The following ADARB2 variants were observed in gnomAD, a reference collection of about 807,000 sequenced individuals.
ADARB2 encodes adenosine deaminase RNA specific B2 (inactive).
ADARB2 carries 25 observed loss-of-function variants against 62.2 expected under a neutral mutation model. That is an observed-to-expected ratio of 0.40 (90% CI 0.29 to 0.56). The LOEUF (loss-of-function observed/expected upper bound fraction) is 0.56. ADARB2 is among the 20% of genes least tolerant of loss of function. The pLI is 0.43. For missense variants in ADARB2, 1,071 were observed against 1,077.4 expected (o/e 0.99, Z 0.08); for synonymous variants, 572 against 500.8 (o/e 1.14, Z -1.90).
intron 8 of ADARB2, among the ~76,000 whole-genome samples, chr10:1,187,299 A>G (rs1174549985): frequency 6.6e-6 from 1 of 152,136 alleles, no homozygotes; most frequent in African/African-American, 2.4e-5. Flanking sequence ...GCACTGGGAG[A>G]GGCAGTCACT....
chr10:1,348,013 CAG>C (rs767218626), intron 3 of ADARB2, among the ~76,000 whole-genome samples: 22 of 151,478 alleles, frequency 1.5e-4, no homozygotes, highest in Non-Finnish European at 2.8e-4. Context: ...CAGAGACAAA[CAG>C]AGACAGGGAC....
At chr10:1,413,430 CA>C (rs1314777184) in intron 1 of ADARB2, among the ~76,000 whole-genome samples, 2 of 152,132 alleles carry the variant, frequency 1.3e-5, no homozygotes, top group African/African-American at 2.4e-5. Context: ...TGAATTCACA[CA>C]AAAAACATGT....
At chr10:1,675,064 T>C in intron 1 of ADARB2, 3 of 985,002 alleles carry the variant, frequency 3.0e-6, no homozygotes, top group Non-Finnish European at 3.6e-6. Flanking sequence ...TACATGGATG[T>C]TCTGGAGGTT....
chr10:1,682,903 G>C (rs536629358), intron 1 of ADARB2, among the ~76,000 whole-genome samples: 1 of 152,312 alleles, frequency 6.6e-6, no homozygotes, highest in South Asian at 2.1e-4. Context: ...GTGAGAGGCC[G>C]CAAAGCCCAT....
At chr10:1,596,144 C>T (rs1833331372) in intron 1 of ADARB2, among the ~76,000 whole-genome samples, 1 of 152,188 alleles carries the variant, frequency 6.6e-6, no homozygotes, top group Admixed American at 6.5e-5. Flanking sequence ...TTGCATATAT[C>T]TTTAGGATGA....
intron 1 of ADARB2, among the ~76,000 whole-genome samples, chr10:1,703,168 A>G (rs1834844655): frequency 6.6e-6 from 1 of 152,206 alleles, no homozygotes; most frequent in Non-Finnish European, 1.5e-5. Flanking sequence ...CAGCAATTAA[A>G]AGGAAAAAAG....
chr10:1,356,338 G>A (rs1315510031), intron 3 of ADARB2, among the ~76,000 whole-genome samples: 30 of 152,238 alleles, frequency 2.0e-4, no homozygotes, highest in Admixed American at 2.0e-3. Flanking sequence ...ACAGGCGCAT[G>A]GGAAGAATGG....
At chr10:1,579,146 T>A (rs1187764055) in intron 1 of ADARB2, among the ~76,000 whole-genome samples, 1 of 152,162 alleles carries the variant, frequency 6.6e-6, no homozygotes, top group South Asian at 2.1e-4. Context: ...TTATATCAAG[T>A]ACTTAGAGTC....
Position 1,568,800 on chromosome 10 carries a change from C to CTCTATCTATCTATCTA in ADARB2, c.100+168235_100+168250dup, listed in dbSNP as rs71379148. Among the ~76,000 whole-genome samples, 621 of 148,570 alleles carry CTCTATCTATCTATCTA rather than the reference C, an allele frequency of 4.2e-3. 1 individual carries two copies. The highest frequency in any genetic ancestry group is 0.01 in the Middle Eastern group (3 of 288). Reference sequence around the variant, plus strand: ...TGTGCATATATCTATATGTCTCTATCTCTATCTATCTATCTATCTATCTAT... The same window carrying CTCTATCTATCTATCTA: ...TGTGCATATATCTATATGTCTCTATCTCTATCTATCTATCTATCTATCTATCTATCTATCTATCTAT... On this transcript the variant is annotated intron_variant, in intron 1 of 9. Transcript: ENST00000381312.
intron 4 of ADARB2, among the ~76,000 whole-genome samples, chr10:1,265,458 G>T (rs1461028096): frequency 3.9e-5 from 6 of 152,272 alleles, no homozygotes; most frequent in Non-Finnish European, 8.8e-5. Context: ...GAAACGAGAG[G>T]ATTCGGGAGG....
intron 1 of ADARB2, among the ~76,000 whole-genome samples, chr10:1,480,853 G>A (rs1669362515): frequency 6.6e-6 from 1 of 152,208 alleles, no homozygotes; most frequent in Non-Finnish European, 1.5e-5. Flanking sequence ...GACATCTTAT[G>A]ATTGGAAGGC....
At chr10:1,317,459 T>A (rs894612286) in intron 3 of ADARB2, among the ~76,000 whole-genome samples, 6 of 152,254 alleles carry the variant, frequency 3.9e-5, no homozygotes, top group African/African-American at 1.4e-4. Context: ...CATAATTTTT[T>A]AATTTTTGGT....
At chr10:1,209,286 C>CCGT (rs1564221094) in intron 7 of ADARB2, among the ~76,000 whole-genome samples, 11 of 150,208 alleles carry the variant, frequency 7.3e-5, no homozygotes, top group African/African-American at 2.2e-4. Context: ...CACGCCTACA[C>CCGT]CATCACCCAT....
At chr10:1,466,078 C>T (rs7916070) in intron 1 of ADARB2, among the ~76,000 whole-genome samples, 88 of 152,258 alleles carry the variant, frequency 5.8e-4, no homozygotes, top group African/African-American at 2.0e-3. Flanking sequence ...CAGCTAAACA[C>T]GACCCAGGCA....
rs1831420099 is a variant in ADARB2 at position 1,477,667 on chromosome 10, T to C, written c.101-98507A>G. The stretch of plus-strand genomic sequence containing the variant: ...AAAATATGGGGACCAACATGAAGCG[T>C]CAGCCTGTGCGCCTCTTTCCAGACG... On this transcript the variant is annotated intron_variant, in intron 1 of 9. Transcript: ENST00000381312. This position sits in a 1 kb window ranked among gnomAD's most constrained non-coding sequence, Gnocchi z 4.5. Among the ~76,000 whole-genome samples the C allele has an allele frequency of 6.6e-6, 1 of 152,200 alleles. No individual in the cohort carries two copies. Among genetic ancestry groups the C allele is most frequent in the Non-Finnish European group, 1.5e-5 (1 of 68,038 alleles).
At chr10:1,512,412 T>G (rs929520098) in intron 1 of ADARB2, among the ~76,000 whole-genome samples, 3 of 152,144 alleles carry the variant, frequency 2.0e-5, no homozygotes, top group Non-Finnish European at 4.4e-5. Flanking sequence ...AATACATCAA[T>G]TAAGTCTACA....
intron 1 of ADARB2, among the ~76,000 whole-genome samples, chr10:1,604,245 G>A (rs958663701): frequency 2.1e-5 from 3 of 141,938 alleles, no homozygotes; most frequent in Non-Finnish European, 4.9e-5. Flanking sequence ...GCCTTATAAA[G>A]TATAAACAAT....
chr10:1,698,082 T>C (rs1188438445), intron 1 of ADARB2, among the ~76,000 whole-genome samples: 1 of 152,224 alleles, frequency 6.6e-6, no homozygotes, highest in Non-Finnish European at 1.5e-5. Flanking sequence ...TCAACATCTC[T>C]ACCTCTCCCA....
intron 1 of ADARB2, among the ~76,000 whole-genome samples, chr10:1,472,610 C>T (rs1348861480): frequency 6.6e-6 from 1 of 152,194 alleles, no homozygotes; most frequent in Non-Finnish European, 1.5e-5. Context: ...TGGCCATGGC[C>T]CAGCAGCCTC....
Sources: allele counts gnomAD v4.1 joint callset (sites outside exome capture counted in the v4.1 genomes callset), GRCh38; gene constraint gnomAD v4.1.1; non-coding constraint Gnocchi (gnomAD v3.1); transcripts MANE v1.5; gene names NCBI Gene and HGNC (gene_info 2026-07-23, HGNC 2026-07-21).